MAGI2: variants seen among roughly 807,000 people sequenced by gnomAD.
MAGI2 encodes the protein membrane-associated guanylate kinase, WW and PDZ domain-containing protein 2.
Under a neutral mutation model 133.3 loss-of-function variants are expected in MAGI2, and 35 were observed. The ratio of observed to expected loss-of-function variants is 0.26; its 90% CI spans 0.20 to 0.35. The LOEUF (loss-of-function observed/expected upper bound fraction) is 0.35. Among genes scored for constraint, MAGI2 ranks in the 10% least tolerant of loss-of-function variants. The pLI is 1.00. For missense variants in MAGI2, 1,636 were observed against 1,863.4 expected (o/e 0.88, Z 2.25); for synonymous variants, 729 against 710.6 (o/e 1.03, Z -0.41).
At chr7:79,033,968 G>T (rs1425993411) in intron 1 of MAGI2, among the ~76,000 whole-genome samples, 1 of 151,932 alleles carries the variant, frequency 6.6e-6, no homozygotes, top group African/African-American at 2.4e-5. Flanking sequence ...TAAAAAAAAT[G>T]TTCTAGTAAT....
intron 6 of MAGI2, among the ~76,000 whole-genome samples, chr7:78,392,522 T>C (rs1795988017): frequency 6.6e-6 from 1 of 152,314 alleles, no homozygotes; most frequent in African/African-American, 2.4e-5. Flanking sequence ...AATGGAATGT[T>C]TTTGGATACT....
intron 1 of MAGI2, among the ~76,000 whole-genome samples, chr7:79,153,844 C>T (rs1309229799): frequency 6.6e-6 from 1 of 152,120 alleles, no homozygotes; most frequent in Non-Finnish European, 1.5e-5. Flanking sequence ...CCAAGGCCAC[C>T]TTTCACTGTG....
chr7:79,210,565 C>G (rs1028320389), intron 1 of MAGI2, among the ~76,000 whole-genome samples: 3 of 152,006 alleles, frequency 2.0e-5, no homozygotes. Flanking sequence ...GAAGGGCCAA[C>G]TGTTGAATGA....
intron 3 of MAGI2, among the ~76,000 whole-genome samples, chr7:78,599,777 G>T (rs1434152591): frequency 6.6e-6 from 1 of 152,144 alleles, no homozygotes; most frequent in Non-Finnish European, 1.5e-5. Context: ...TCCCCAGCAA[G>T]GTACTAGGGA....
chr7:79,023,791 T>A (rs1809580392), intron 1 of MAGI2, among the ~76,000 whole-genome samples: 1 of 152,004 alleles, frequency 6.6e-6, no homozygotes, highest in South Asian at 2.1e-4. Context: ...TGGTGAAATA[T>A]TTCTACAATG....
intron 1 of MAGI2, chr7:79,030,480 A>T (rs1810455490): frequency 6.6e-6 from 1 of 152,206 alleles, no homozygotes; most frequent in African/African-American, 2.4e-5. Context: ...AACCTGACAG[A>T]CCACAGGGAC....
chr7:78,048,025 C>G (rs1045088855), intron 21 of MAGI2, among the ~76,000 whole-genome samples: 1 of 152,224 alleles, frequency 6.6e-6, no homozygotes, highest in East Asian at 1.9e-4. Flanking sequence ...ATTGTGTTGG[C>G]TTTGCCTATC....
intron 1 of MAGI2, among the ~76,000 whole-genome samples, chr7:79,395,625 A>C (rs1011583349): frequency 2.0e-5 from 3 of 152,206 alleles, no homozygotes; most frequent in Admixed American, 6.5e-5. Context: ...TTTATGTTCT[A>C]CAATTCCATC....
intron 1 of MAGI2, among the ~76,000 whole-genome samples, chr7:79,299,680 A>G (rs560184317): frequency 6.6e-6 from 1 of 152,192 alleles, no homozygotes; most frequent in South Asian, 2.1e-4. Context: ...AAAAAAACAC[A>G]AAAAACGATA....
At chr7:78,389,746 A>C (rs1795731157) in intron 6 of MAGI2, among the ~76,000 whole-genome samples, 1 of 152,166 alleles carries the variant, frequency 6.6e-6, no homozygotes, top group Non-Finnish European at 1.5e-5. Flanking sequence ...GGGGTAGAGG[A>C]GAGAAGAAAA....
At chr7:78,257,137 A>G (rs947200093) in intron 9 of MAGI2, among the ~76,000 whole-genome samples, 2 of 152,084 alleles carry the variant, frequency 1.3e-5, no homozygotes, top group African/African-American at 4.8e-5. Context: ...AGCAAAGGTC[A>G]AGGGTGCAGG....
chr7:78,196,529 C>A (rs1392695153), intron 11 of MAGI2, among the ~76,000 whole-genome samples: 2 of 152,152 alleles, frequency 1.3e-5, no homozygotes, highest in Non-Finnish European at 2.9e-5. Context: ...TTCACACTAG[C>A]TATATTTTTG....
At chr7:78,050,757 T>C (rs1811924752) in intron 21 of MAGI2, among the ~76,000 whole-genome samples, 1 of 152,220 alleles carries the variant, frequency 6.6e-6, no homozygotes, top group Non-Finnish European at 1.5e-5. Flanking sequence ...CTGTCTGCTC[T>C]AGTTCTCATT....
chr7:79,169,246 A>G (rs1036037187), intron 1 of MAGI2, among the ~76,000 whole-genome samples: 11 of 151,910 alleles, frequency 7.2e-5, no homozygotes, highest in Admixed American at 7.2e-4. Flanking sequence ...TACGGTTGGT[A>G]CTCATTAAAT....
intron 1 of MAGI2, among the ~76,000 whole-genome samples, chr7:79,388,197 T>G (rs1275739060): frequency 1.3e-5 from 2 of 151,970 alleles, no homozygotes; most frequent in African/African-American, 4.8e-5. Context: ...CACAACATTG[T>G]TTGCTAAAAA....
At chr7:78,215,960 A>C (rs1788232093) in intron 10 of MAGI2, among the ~76,000 whole-genome samples, 1 of 152,190 alleles carries the variant, frequency 6.6e-6, no homozygotes, top group Admixed American at 6.5e-5. Context: ...ATTTTGGCAC[A>C]ATTTTTCTGG....
intron 1 of MAGI2, among the ~76,000 whole-genome samples, chr7:79,072,591 A>G (rs900279155): frequency 1.3e-5 from 2 of 152,248 alleles, no homozygotes; most frequent in Admixed American, 1.3e-4. Flanking sequence ...AAATATTGCT[A>G]GAAGACACTA....
chr7:78,356,853 C>T (rs949213940), intron 7 of MAGI2, among the ~76,000 whole-genome samples: 22 of 152,182 alleles, frequency 1.4e-4, no homozygotes, highest in African/African-American at 5.3e-4. Context: ...AAGTGAAAGC[C>T]ACTTCCAATG....
chr7:79,450,175 A>T (rs564334496), intron 1 of MAGI2, among the ~76,000 whole-genome samples: 1 of 152,128 alleles, frequency 6.6e-6, no homozygotes, highest in African/African-American at 2.4e-5. Flanking sequence ...TTAATGTTTT[A>T]AAAACGCAAC....
Sources: allele counts gnomAD v4.1 joint callset (sites outside exome capture counted in the v4.1 genomes callset), GRCh38; gene constraint gnomAD v4.1.1; transcripts MANE v1.5; gene names NCBI Gene and HGNC (gene_info 2026-07-23, HGNC 2026-07-21).